The following BNC2 variants were observed in gnomAD, a reference collection of about 807,000 sequenced individuals.
BNC2 encodes basonuclin zinc finger protein 2.
BNC2 carries 20 observed loss-of-function variants against 76.3 expected under a neutral mutation model. The ratio of observed to expected loss-of-function variants is 0.26; its 90% CI spans 0.18 to 0.38. BNC2 has a LOEUF of 0.38. Ranked by LOEUF, BNC2 falls within the 10% of genes least tolerant of loss-of-function variation. The probability of loss-of-function intolerance (pLI) is 1.00; values close to 1 mark genes in which losing one functional copy is unlikely to be tolerated. For synonymous variants in BNC2, 582 were observed against 514.8 expected (o/e 1.13, Z -1.77); for missense variants, 1,382 against 1,399.8 (o/e 0.99, Z 0.20).
At chr9:16,780,297 G>C (rs1482319789) in intron 1 of BNC2, among the ~76,000 whole-genome samples, 1 of 149,330 alleles carries the variant, frequency 6.7e-6, no homozygotes, top group African/African-American at 2.5e-5. Flanking sequence ...ATCTTGGCTG[G>C]GCTCGGTGGC....
chr9:16,490,853 T>C (rs1397935404), intron 5 of BNC2, among the ~76,000 whole-genome samples: 1 of 152,178 alleles, frequency 6.6e-6, no homozygotes, highest in Non-Finnish European at 1.5e-5. Context: ...TGGTTTCATG[T>C]CAGAATGAGC....
Position 16,435,890 on chromosome 9 carries a change from G to T in BNC2, c.2304C>A (p.His768Gln), listed in dbSNP as rs148819981. ...RPDENHSEPS[H>Q]QDVIKVKEEF... ...CTTCCTTCACCTTGATGACGTCCTG[G>T]TGAGAGGGCTCACTGTGGTTCTCAT... The change falls in exon 6 of 7, where the codon CAC becomes CAA. Residue 768 changes from histidine (H) to glutamine (Q), a missense_variant. This residue lies in a region of BNC2 where 798 missense variants were observed against 775.5 expected (regional missense o/e 1.03). Transcript: ENST00000380672. The T allele has an allele frequency of 2.5e-4, 411 of 1,613,852 alleles. No homozygotes were observed. Among genetic ancestry groups the T allele is most frequent in the Non-Finnish European group, 3.3e-4 (388 of 1,179,896 alleles).
chr9:16,642,140 G>T (rs1821507470), intron 3 of BNC2, among the ~76,000 whole-genome samples: 2 of 152,128 alleles, frequency 1.3e-5, no homozygotes, highest in Admixed American at 6.6e-5. Flanking sequence ...TTGCCAACAT[G>T]CTCCTTCCAC....
intron 1 of BNC2, among the ~76,000 whole-genome samples, chr9:16,753,493 A>T (rs1445277364): frequency 6.6e-6 from 1 of 152,242 alleles, no homozygotes; most frequent in Non-Finnish European, 1.5e-5. Context: ...GTGACTAAAC[A>T]GGGAAATAAA....
chr9:16,678,750 C>T lies in BNC2; in HGVS notation c.330+49047G>A, dbSNP rs1300689272. 2.0e-5 allele frequency among the ~76,000 whole-genome samples: 3 copies of T among 148,898 alleles called. No individual in the cohort carries two copies. The South Asian group carries it at 6.6e-4, about 33-fold the overall frequency. On this transcript the variant is annotated intron_variant, in intron 3 of 6. Transcript: ENST00000380672. ...GAATGGCTTTTATTTTACAAATATA[C>T]TTTGGAACCTACACACCATTGATCC... is the stretch of plus-strand genomic sequence containing the variant.
rs567180427 is a variant in BNC2 at position 16,756,063 on chromosome 9, CA to C, written c.4-17579del. 3.7e-3 allele frequency among the ~76,000 whole-genome samples: 564 copies of C among 152,270 alleles called. 3 individuals carry two copies. Among genetic ancestry groups the C allele is most frequent in the African/African-American group, 0.013 (558 of 41,554 alleles). On this transcript the variant is annotated intron_variant, in intron 1 of 6. Transcript: ENST00000380672. The stretch of plus-strand genomic sequence containing the variant: ...ACTCAGGTGTCTCTCATGAGATGTA[CA>C]GAAGACTATCAAAAGGGACAACCCT...
chr9:16,515,419 C>T (rs1822853709), intron 5 of BNC2, among the ~76,000 whole-genome samples: 1 of 152,156 alleles, frequency 6.6e-6, no homozygotes, highest in African/African-American at 2.4e-5. Context: ...CTGGCATTAG[C>T]GGAGCTTGGC....
intron 3 of BNC2, among the ~76,000 whole-genome samples, chr9:16,710,519 C>T (rs1823805879): frequency 6.6e-6 from 1 of 152,142 alleles, no homozygotes. Context: ...TTTCCCTTTT[C>T]ATAAAATCTT....
Position 16,435,666 on chromosome 9 carries a change from T to C in BNC2, c.2528A>G (p.Lys843Arg), listed in dbSNP as rs746855838. 5 of 1,614,144 alleles carry C rather than the reference T, an allele frequency of 3.1e-6. No individual in the cohort carries two copies. The highest frequency in any genetic ancestry group is 1.7e-5 in the Admixed American group (1 of 60,014). Residue 843 changes from lysine to arginine, a missense_variant, in exon 6 of 7, where the codon AAA becomes AGA. Transcript: ENST00000380672. ...GTGAAGTTTCACACTGTAGGAGCTT[T>C]TGAAACTCTTCTTGCACACATAACA... ...KICYVCKKSFKSSYSVKLHYR... is the reference protein window; with the variant it reads ...KICYVCKKSFRSSYSVKLHYR...
chr9:16,678,267 C>CTTTTTTTTTTTTTTTTTTT lies in BNC2; in HGVS notation c.330+49511_330+49529dup, dbSNP rs140809930. On this transcript the variant is annotated intron_variant, in intron 3 of 6. Transcript: ENST00000380672. ...ACTTGTAACTGTTTTCTTTCTTTTT[C>CTTTTTTTTTTTTTTTTTTT]TTTTTTTTTTTTTTTTTTTTTTTTT... Among the ~76,000 whole-genome samples the CTTTTTTTTTTTTTTTTTTT allele has an allele frequency of 1.7e-4, 14 of 80,720 alleles. 2 individuals carry two copies. The highest frequency in any genetic ancestry group is 4.5e-4 in the African/African-American group (8 of 17,674). The allele number at this position is 80,720 out of a possible 152,430, so 53.0% of individuals were successfully genotyped here.
At chr9:16,420,638 A>G (rs1055026742) in intron 6 of BNC2, among the ~76,000 whole-genome samples, 1 of 152,022 alleles carries the variant, frequency 6.6e-6, no homozygotes, top group African/African-American at 2.4e-5. Context: ...CAAAACTTTT[A>G]TTCTACTCAC....
chr9:16,511,610 G>GAAA, intron 5 of BNC2, among the ~76,000 whole-genome samples: 1 of 151,384 alleles, frequency 6.6e-6, no homozygotes, highest in East Asian at 2.0e-4. Flanking sequence ...GTATTTTTTT[G>GAAA]TAGAGACGGG....
At chr9:16,469,933 T>G (rs1413596501) in intron 5 of BNC2, among the ~76,000 whole-genome samples, 1 of 151,710 alleles carries the variant, frequency 6.6e-6, no homozygotes, top group Non-Finnish European at 1.5e-5. Context: ...TAGGGTTATC[T>G]GGCAGAAGAA....
chr9:16,765,719 T>C (rs7862245), intron 1 of BNC2, among the ~76,000 whole-genome samples: 6,757 of 151,984 alleles, frequency 0.044, 513 homozygotes, highest in African/African-American at 0.16. Context: ...AATGAAACTG[T>C]GTATTAAGCT....
chr9:16,785,686 G>T (rs375906225), intron 1 of BNC2, among the ~76,000 whole-genome samples: 27 of 150,440 alleles, frequency 1.8e-4, no homozygotes, highest in African/African-American at 5.9e-4. Flanking sequence ...ACCACGCCCA[G>T]CCTATGTATT....
intron 1 of BNC2, among the ~76,000 whole-genome samples, chr9:16,865,221 T>C (rs565774097): frequency 6.6e-6 from 1 of 152,200 alleles, no homozygotes; most frequent in African/African-American, 2.4e-5. Context: ...TTGACAACTA[T>C]TAAATACTGT....
intron 3 of BNC2, among the ~76,000 whole-genome samples, chr9:16,624,419 A>G (rs772893857): frequency 2.0e-5 from 3 of 152,210 alleles, no homozygotes; most frequent in Admixed American, 1.3e-4. Flanking sequence ...AACAAGAAAA[A>G]CTGCTCACAC....
At chr9:16,557,919 G>C (rs1282589299) in intron 4 of BNC2, among the ~76,000 whole-genome samples, 1 of 151,608 alleles carries the variant, frequency 6.6e-6, no homozygotes, top group Non-Finnish European at 1.5e-5. Context: ...GGAGTGCAGT[G>C]GCAGGATCGC....
At chr9:16,620,582 C>A (rs553949878) in intron 3 of BNC2, among the ~76,000 whole-genome samples, 1 of 152,212 alleles carries the variant, frequency 6.6e-6, no homozygotes, top group African/African-American at 2.4e-5. Context: ...GATATGGAAG[C>A]AAACCATGTG....
Sources: allele counts gnomAD v4.1 joint callset (sites outside exome capture counted in the v4.1 genomes callset), GRCh38; gene constraint gnomAD v4.1.1; regional missense constraint gnomAD v4.1.1; transcripts MANE v1.5; gene names NCBI Gene and HGNC (gene_info 2026-07-23, HGNC 2026-07-21).